LRCH3: variants seen among roughly 807,000 people sequenced by gnomAD.
LRCH3 encodes the protein DISP complex protein LRCH3.
LRCH3 carries 68 observed loss-of-function variants against 104.5 expected under a neutral mutation model. The ratio of observed to expected loss-of-function variants is 0.65; its 90% CI spans 0.54 to 0.80. The LOEUF is 0.80. Ranked by LOEUF, LRCH3 falls within the 30% of genes least tolerant of loss-of-function variation. The probability of loss-of-function intolerance (pLI) is 0.00; values close to 1 mark genes in which losing one functional copy is unlikely to be tolerated. For missense variants in LRCH3, 951 were observed against 953.9 expected (o/e 1.00, Z 0.04); for synonymous variants, 344 against 361.3 (o/e 0.95, Z 0.54).
At chr3:197,819,884 AAAG>A (rs556291322) in intron 3 of LRCH3, among the ~76,000 whole-genome samples, 45 of 152,246 alleles carry the variant, frequency 3.0e-4, no homozygotes, top group Non-Finnish European at 6.0e-4. Flanking sequence ...TTTTTAAAAA[AAAG>A]AAAATAGAGA....
chr3:197,852,425 G>A, intron 12 of LRCH3, 136 bp from the exon 13 acceptor site: 2 of 798,342 alleles, frequency 2.5e-6, no homozygotes, highest in South Asian at 1.7e-5. Flanking sequence ...TTTCTAACTA[G>A]TAAATCTAGA....
intron 4 of LRCH3, chr3:197,823,016 G>A (rs1264253352): frequency 6.7e-6 from 1 of 149,618 alleles, no homozygotes; most frequent in East Asian, 2.0e-4. Flanking sequence ...TTGAGACGGA[G>A]TCTCACACTG....
At chr3:197,848,328 AGGCCCGTGCAGAT>A (rs546951929) in intron 12 of LRCH3, 129 of 231,162 alleles carry the variant, frequency 5.6e-4, no homozygotes, top group African/African-American at 2.8e-3. Flanking sequence ...GAACCATAAA[AGGCCCGTGCAGAT>A]GCAAACTGTT....
intron 11 of LRCH3, 120 bp downstream of exon 11, chr3:197,847,580 C>A (rs896476720): frequency 2.9e-5 from 16 of 549,672 alleles, no homozygotes; most frequent in African/African-American, 3.9e-5. Context: ...CTGTCTCAAT[C>A]GATTAATATA....
At chr3:197,843,545 G>A (rs1401983278) in intron 10 of LRCH3, among the ~76,000 whole-genome samples, 4 of 152,100 alleles carry the variant, frequency 2.6e-5, no homozygotes, top group East Asian at 3.9e-4. Flanking sequence ...TTAGTTGGGC[G>A]TGGTGGCATG....
intron 9 of LRCH3, among the ~76,000 whole-genome samples, chr3:197,837,154 C>T (rs190576604): frequency 1.5e-3 from 221 of 152,256 alleles, no homozygotes; most frequent in African/African-American, 5.0e-3. Context: ...GATGAAACTA[C>T]TTGTTGAGGC....
chr3:197,863,876 A>G (rs901958453), intron 15 of LRCH3, among the ~76,000 whole-genome samples: 5 of 152,226 alleles, frequency 3.3e-5, no homozygotes, highest in African/African-American at 1.2e-4. Context: ...TTTAGAAACT[A>G]TTATGGAGAA....
intron 1 of LRCH3, among the ~76,000 whole-genome samples, chr3:197,806,863 A>C (rs1236172464): frequency 6.6e-6 from 1 of 151,170 alleles, no homozygotes; most frequent in Non-Finnish European, 1.5e-5. Context: ...CTGAGACCCC[A>C]TTTTTACAAA....
At chr3:197,878,413 CCT>C (rs1713152298) in intron 20 of LRCH3, among the ~76,000 whole-genome samples, 1 of 152,068 alleles carries the variant, frequency 6.6e-6, no homozygotes, top group Admixed American at 6.6e-5. Context: ...CCAGCCTGCC[CCT>C]GTTCCTACCA....
chr3:197,874,570 A>G (rs1018791158), intron 19 of LRCH3, among the ~76,000 whole-genome samples: 10 of 152,208 alleles, frequency 6.6e-5, no homozygotes, highest in Non-Finnish European at 1.5e-4. Flanking sequence ...AATAAATGTA[A>G]TGTGCCTGAA....
chr3:197,840,769 A>C (rs1234889302), intron 10 of LRCH3, among the ~76,000 whole-genome samples: 1 of 152,224 alleles, frequency 6.6e-6, no homozygotes, highest in African/African-American at 2.4e-5. Flanking sequence ...CACTTAACTC[A>C]TGGAGATTTA....
At chr3:197,867,162 T>A (rs574630280) in intron 17 of LRCH3, among the ~76,000 whole-genome samples, 1 of 152,136 alleles carries the variant, frequency 6.6e-6, no homozygotes, top group South Asian at 2.1e-4. Context: ...CTGTAATTCC[T>A]GCTACTCAGG....
intron 14 of LRCH3, among the ~76,000 whole-genome samples, chr3:197,857,269 A>C (rs913639129): frequency 1.5e-5 from 2 of 136,964 alleles, no homozygotes; most frequent in African/African-American, 5.7e-5. Flanking sequence ...TCTTCCGGCT[A>C]CCCCTCAAGC....
At chr3:197,801,706 A>G (rs914481421) in intron 1 of LRCH3, among the ~76,000 whole-genome samples, 36 of 152,146 alleles carry the variant, frequency 2.4e-4, no homozygotes, top group African/African-American at 8.7e-4. Flanking sequence ...TTCTTGAAGG[A>G]GGTATATTAG....
At chr3:197,874,917 G>T (rs76773105) in intron 19 of LRCH3, among the ~76,000 whole-genome samples, 3 of 150,340 alleles carry the variant, frequency 2.0e-5, no homozygotes, top group Non-Finnish European at 4.4e-5. Flanking sequence ...TCGAGTGGTT[G>T]CAACAGTTCT....
chr3:197,871,696 A>G, intron 19 of LRCH3: 1 of 398,394 alleles, frequency 2.5e-6, no homozygotes, highest in East Asian at 4.0e-5. Flanking sequence ...GGATATAAAA[A>G]GGGGCCACTT....
intron 10 of LRCH3, among the ~76,000 whole-genome samples, chr3:197,842,372 C>T (rs76937882): frequency 3.3e-5 from 5 of 152,056 alleles, no homozygotes; most frequent in South Asian, 4.1e-4. Flanking sequence ...ATGTTGAATT[C>T]GAACCTAAAA....
chr3:197,817,276 G>A lies in LRCH3; in HGVS notation c.508G>A (p.Gly170Arg), dbSNP rs1733910370. 1.9e-6 allele frequency: 3 copies of A among 1,608,222 alleles called. No individual in the cohort carries two copies. The highest frequency in any genetic ancestry group is 2.5e-6 in the Non-Finnish European group (3 of 1,177,724). The change falls in exon 3 of 21, where the codon GGA (glycine) becomes AGA (arginine). Residue 170 changes from glycine (G) to arginine (R), a missense_variant. Gly to Arg is a moderately radical substitution (Grantham distance 125). Transcript: ENST00000425562. ...ATTGGTGTCACTTCCAGAAGAAATT[G>A]GACACCTTAGACATTTGATGGAACT... ...NKLVSLPEEI[G>R]HLRHLMELDV...
At chr3:197,857,366 G>C (rs1365786619) in intron 14 of LRCH3, among the ~76,000 whole-genome samples, 2 of 150,704 alleles carry the variant, frequency 1.3e-5, no homozygotes, top group South Asian at 2.1e-4. Flanking sequence ...CATTGTCTTC[G>C]GGCTACCCCT....
Sources: gnomAD v4.1 joint callset for allele counts (sites outside exome capture counted in the v4.1 genomes callset) on GRCh38, gnomAD v4.1.1 for gene constraint, MANE v1.5 for transcripts, NCBI Gene and HGNC (gene_info 2026-07-23, HGNC 2026-07-21) for gene names.